The following HNRNPH1 variants were observed in gnomAD, a reference collection of about 807,000 sequenced individuals.
HNRNPH1 encodes heterogeneous nuclear ribonucleoprotein H.
In HNRNPH1, 4 loss-of-function variants were observed where a neutral mutation model predicts 58.6. The ratio of observed to expected loss-of-function variants is 0.07; its 90% CI spans 0.03 to 0.16. The LOEUF is 0.16. Ranked by LOEUF, HNRNPH1 falls within the 10% of genes least tolerant of loss-of-function variation. HNRNPH1 has a pLI of 1.00. For synonymous variants in HNRNPH1, 192 were observed against 189.2 expected (o/e 1.01, Z -0.12); for missense variants, 271 against 564.2 (o/e 0.48, Z 5.26).
intron 10 of HNRNPH1, 90 bp downstream of exon 11, chr5:179,616,779 A>G: frequency 8.6e-7 from 1 of 1,163,848 alleles, no homozygotes; most frequent in Non-Finnish European, 1.2e-6. Flanking sequence ...TTCTTATGCT[A>G]AACTTATTAA....
upstream of HNRNPH1, among the ~76,000 whole-genome samples, chr5:179,626,242 A>G (rs537874212): frequency 1.3e-5 from 2 of 151,948 alleles, no homozygotes; most frequent in African/African-American, 4.8e-5. Flanking sequence ...TAGAGGGATT[A>G]CAGGTGTGTG....
chr5:179,623,385 C>G, exon 1 of HNRNPH1: 1 of 295,336 alleles, frequency 3.4e-6, no homozygotes, highest in Non-Finnish European at 6.6e-6. Flanking sequence ...CGAGAGCCAG[C>G]GTAGAGGAAA....
At chr5:179,632,528 C>T (rs1774929967) in intron 2 of HNRNPH1, among the ~76,000 whole-genome samples, 1 of 152,210 alleles carries the variant, frequency 6.6e-6, no homozygotes, top group African/African-American at 2.4e-5. Context: ...TGGATTCAGA[C>T]ACCATGAGCG....
chr5:179,617,129 A>G lies in HNRNPH1; in HGVS notation c.1058-19T>C. On this transcript the variant is annotated intron_variant, in intron 8 of 12. Transcript: ENST00000356731. ...CTGTGTTCTGAAATGAGAAAAAAAA[A>G]GTTTGAAAATGTTTGTTGGTGAAAC... The G allele has an allele frequency of 6.2e-7, 1 of 1,609,976 alleles. No homozygotes were observed. The highest frequency in any genetic ancestry group is 8.5e-7 in the Non-Finnish European group (1 of 1,177,778).
chr5:179,628,380 G>A (rs996740888), upstream of HNRNPH1, among the ~76,000 whole-genome samples: 10 of 152,148 alleles, frequency 6.6e-5, no homozygotes, highest in Admixed American at 6.5e-4. Context: ...TTTAGATGGA[G>A]TCTTGCTCTG....
chr5:179,621,941 G>A, intron 1 of HNRNPH1: 2 of 456,266 alleles, frequency 4.4e-6, no homozygotes, highest in Non-Finnish European at 8.8e-6. Flanking sequence ...CAGCGTACTT[G>A]GTTCTTGTTT....
At chr5:179,631,301 G>A (rs1048960236) in intron 2 of HNRNPH1, among the ~76,000 whole-genome samples, 3 of 151,112 alleles carry the variant, frequency 2.0e-5, no homozygotes, top group Admixed American at 1.3e-4. Context: ...TGGCGATCAT[G>A]AAAAAAAAAG....
upstream of HNRNPH1, chr5:179,629,020 G>GCAGTATAAATGCATACATTTC (rs1774598073): frequency 2.0e-5 from 3 of 151,136 alleles, no homozygotes; most frequent in Admixed American, 2.0e-4. Flanking sequence ...TAACCCGGCT[G>GCAGTATAAATGCATACATTTC]GGCGCGGCGG....
intron 12 of HNRNPH1, 40 bp downstream of exon 13, chr5:179,615,503 GTAT>G: frequency 9.7e-7 from 1 of 1,034,388 alleles, no homozygotes; most frequent in South Asian, 1.3e-5. Context: ...CAACATATCA[GTAT>G]TTGCTATTGG....
At chr5:179,633,959 G>C (rs891185177) in intron 2 of HNRNPH1, 1 of 82,184 alleles carries the variant, frequency 1.2e-5, no homozygotes, top group Non-Finnish European at 2.7e-5. Flanking sequence ...AAATAACAAA[G>C]TAAGCAGTAA....
chr5:179,626,888 G>A (rs1581764090), upstream of HNRNPH1, among the ~76,000 whole-genome samples: 1 of 149,154 alleles, frequency 6.7e-6, no homozygotes, highest in South Asian at 2.1e-4. Flanking sequence ...CCATTCTCCT[G>A]CCTCAGCCTC....
At chr5:179,616,756 G>A (rs1490888775) in intron 10 of HNRNPH1, 113 bp downstream of exon 11, 3 of 896,276 alleles carry the variant, frequency 3.3e-6, no homozygotes, top group Non-Finnish European at 5.2e-6. Flanking sequence ...TCAAGAAACT[G>A]CTTTGCCTAA....
chr5:179,615,117 A>G (rs1184378808), intron 12 of HNRNPH1, 158 bp from the exon 14 acceptor site: 13 of 605,750 alleles, frequency 2.1e-5, no homozygotes, highest in Non-Finnish European at 3.9e-5. Context: ...CCGACTCCAA[A>G]CAAGCCTCAA....
intron 2 of HNRNPH1, among the ~76,000 whole-genome samples, chr5:179,632,753 CTTTTTTTTTTTT>C (rs752554745): frequency 2.2e-5 from 2 of 92,014 alleles, no homozygotes; most frequent in Admixed American, 1.5e-4. Context: ...AATCAAATAT[CTTTTTTTTTTTT>C]TTTTTTTTTG....
chr5:179,618,206 C>T (rs755807706), exon 5 of HNRNPH1: 3 of 1,614,058 alleles, frequency 1.9e-6, no homozygotes, highest in Non-Finnish European at 2.5e-6. Context: ...TGCTGTTATA[C>T]CCTCTACCAG....
chr5:179,620,882 G>C lies in HNRNPH1; in HGVS notation c.397+10C>G, dbSNP rs766834461. The C allele has an allele frequency of 1.9e-6, 3 of 1,612,996 alleles. No individual in the cohort carries two copies. Among genetic ancestry groups the C allele is most frequent in the Non-Finnish European group, 2.5e-6 (3 of 1,179,366 alleles). On this transcript the variant is annotated intron_variant, in intron 3 of 12. Coordinates refer to ENST00000356731, the Ensembl canonical transcript of HNRNPH1. ...AAACTCACTGCTCAGCAACAAACAT[G>C]ACTACATACCTGAGAAGAACTGAAC...
At chr5:179,628,116 C>T (rs773702647), upstream of HNRNPH1, among the ~76,000 whole-genome samples, 7 of 152,004 alleles carry the variant, frequency 4.6e-5, no homozygotes, top group Non-Finnish European at 7.4e-5. Flanking sequence ...AGCCACTGCA[C>T]CCGGCCTATG....
chr5:179,617,147 G>C (rs543426444), intron 8 of HNRNPH1, 37 bp from the exon 10 acceptor site: 1 of 1,585,480 alleles, frequency 6.3e-7, no homozygotes. Context: ...AATGTTTGTT[G>C]GTGAAACAAA....
At chr5:179,617,861 T>C (rs1270677055) in exon 7 of HNRNPH1, 1 of 1,613,550 alleles carries the variant, frequency 6.2e-7, no homozygotes, top group African/African-American at 1.3e-5. Context: ...CAGTGTCCTG[T>C]TGTGCTCTGG....
Sources: gnomAD v4.1 joint callset for allele counts (sites outside exome capture counted in the v4.1 genomes callset) on GRCh38, gnomAD v4.1.1 for gene constraint, MANE v1.5 for transcripts, NCBI Gene and HGNC (gene_info 2026-07-23, HGNC 2026-07-21) for gene names.